Variants in DYM observed in about 807,000 individuals in gnomAD.
DYM encodes dyggve-Melchior-Clausen syndrome protein.
In DYM, 78 loss-of-function variants were observed where a neutral mutation model predicts 93.1. That is an observed-to-expected ratio of 0.84 (90% CI 0.70 to 1.01). The LOEUF (loss-of-function observed/expected upper bound fraction) is 1.01, where lower values mean the gene tolerates loss of function less well. DYM is among the 50% of genes least tolerant of loss of function. DYM has a pLI of 0.00. For missense variants in DYM, 789 were observed against 845.0 expected (o/e 0.93, Z 0.82); for synonymous variants, 321 against 319.7 (o/e 1.00, Z -0.04).
chr18:49,077,270 C>G (rs1422096588), intron 17 of DYM, among the ~76,000 whole-genome samples: 1 of 152,210 alleles, frequency 6.6e-6, no homozygotes, highest in Non-Finnish European at 1.5e-5. Flanking sequence ...ATTTTCTGTG[C>G]TGTCCCCCTG....
intron 2 of DYM, among the ~76,000 whole-genome samples, chr18:49,416,489 G>C (rs2073002669): frequency 6.6e-6 from 1 of 152,176 alleles, no homozygotes; most frequent in Admixed American, 6.5e-5. Flanking sequence ...GCTCAGAGCT[G>C]CTCTCAAATC....
chr18:49,319,099 C>T (rs898825734), intron 8 of DYM, among the ~76,000 whole-genome samples: 4 of 152,098 alleles, frequency 2.6e-5, no homozygotes, highest in African/African-American at 7.2e-5. Context: ...GCCACGCAAC[C>T]GGCCATAAAT....
At chr18:49,102,685 G>C (rs1339004361) in intron 16 of DYM, among the ~76,000 whole-genome samples, 1 of 152,054 alleles carries the variant, frequency 6.6e-6, no homozygotes, top group Non-Finnish European at 1.5e-5. Flanking sequence ...TTGTCCTTGC[G>C]ATAGTTTGCT....
At chr18:49,138,724 G>C (rs573371447) in intron 15 of DYM, among the ~76,000 whole-genome samples, 1 of 152,302 alleles carries the variant, frequency 6.6e-6, no homozygotes, top group East Asian at 1.9e-4. Context: ...GGAATTTAGA[G>C]TCCAGTAGGG....
At chr18:49,222,902 A>G (rs1021931189) in intron 13 of DYM, among the ~76,000 whole-genome samples, 17 of 152,184 alleles carry the variant, frequency 1.1e-4, no homozygotes, top group Non-Finnish European at 4.4e-5. Flanking sequence ...TGAAAGTCAC[A>G]TGAAAGAATG....
In DYM at chr18:49,097,496, G is replaced by C. The variant is rs2079655521; in HGVS notation, c.1931C>G (p.Ser644Ter). 3 of 1,613,834 alleles carry C rather than the reference G, an allele frequency of 1.9e-6. No homozygotes were observed. The highest frequency in any genetic ancestry group is 2.5e-6 in the Non-Finnish European group (3 of 1,179,908). The change falls in exon 17 of 18, where the codon TCA (serine) becomes TGA (stop). Residue 644 changes from serine (S) to a stop codon, truncating the protein, a stop_gained. Transcript: ENST00000675505. LOFTEE classifies it high-confidence loss of function. ...NIDLVISFFS[S>*]RLLQAGAELS... ...CTCAGCTCCAGCTTGCAGCAACCTT[G>C]AGCTAAAGAAGGAGATCACCTGTAA...
chr18:49,429,350 T>G (rs1283630424), intron 2 of DYM, among the ~76,000 whole-genome samples: 1 of 152,226 alleles, frequency 6.6e-6, no homozygotes, highest in Non-Finnish European at 1.5e-5. Flanking sequence ...GACAAGGACA[T>G]GGACATCTTT....
At chr18:49,168,231 A>C (rs535938105) in intron 14 of DYM, among the ~76,000 whole-genome samples, 6,570 of 152,180 alleles carry the variant, frequency 0.043, 470 homozygotes, top group African/African-American at 0.15. Flanking sequence ...CTCTCTATAT[A>C]TATATATATG....
chr18:49,269,081 T>C (rs2094624195), intron 11 of DYM, among the ~76,000 whole-genome samples: 1 of 152,160 alleles, frequency 6.6e-6, no homozygotes, highest in Non-Finnish European at 1.5e-5. Context: ...ATCTAAAATA[T>C]ATAAAGAACT....
intron 14 of DYM, among the ~76,000 whole-genome samples, chr18:49,181,033 G>A (rs531463594): frequency 1.8e-4 from 27 of 152,100 alleles, no homozygotes; most frequent in Non-Finnish European, 3.8e-4. Flanking sequence ...ACCAAACACA[G>A]CACCTCTCTA....
chr18:49,419,161 G>C (rs1254320204), intron 2 of DYM, among the ~76,000 whole-genome samples: 1 of 152,050 alleles, frequency 6.6e-6, no homozygotes, highest in African/African-American at 2.4e-5. Flanking sequence ...AGGAGTTCAA[G>C]ACCAGCCTGG....
chr18:49,433,255 G>A (rs574144746), intron 1 of DYM, among the ~76,000 whole-genome samples: 3 of 152,290 alleles, frequency 2.0e-5, no homozygotes, highest in Non-Finnish European at 2.9e-5. Context: ...AGGAGAATTT[G>A]GAAGCAATGA....
chr18:49,230,034 A>G (rs2093649650), intron 13 of DYM, among the ~76,000 whole-genome samples: 1 of 152,132 alleles, frequency 6.6e-6, no homozygotes, highest in African/African-American at 2.4e-5. Flanking sequence ...AAACTAAATA[A>G]CAGAAGGGGG....
intron 15 of DYM, 56 bp from the exon 16 acceptor site, chr18:49,118,982 A>G (rs1178592786): frequency 1.4e-6 from 2 of 1,453,566 alleles, no homozygotes; most frequent in Non-Finnish European, 1.9e-6. Flanking sequence ...TTGCAACAGA[A>G]TTAATGAAAA....
At chr18:49,342,319 C>T (rs543559714) in intron 6 of DYM, among the ~76,000 whole-genome samples, 3 of 152,270 alleles carry the variant, frequency 2.0e-5, no homozygotes, top group African/African-American at 4.8e-5. Flanking sequence ...TTTAAGGACT[C>T]ATGTGATTAG....
intron 13 of DYM, among the ~76,000 whole-genome samples, chr18:49,239,165 G>A (rs1337432554): frequency 6.6e-6 from 1 of 152,088 alleles, no homozygotes; most frequent in Non-Finnish European, 1.5e-5. Flanking sequence ...ACTAGATAGT[G>A]GACATTTCCT....
At chr18:49,326,823 G>A (rs759214654) in intron 8 of DYM, among the ~76,000 whole-genome samples, 2 of 152,080 alleles carry the variant, frequency 1.3e-5, no homozygotes, top group East Asian at 3.8e-4. Context: ...TTTTATTGAC[G>A]TAGAAGCAAA....
At chr18:49,308,842 G>A (rs1377053827) in intron 8 of DYM, among the ~76,000 whole-genome samples, 1 of 152,088 alleles carries the variant, frequency 6.6e-6, no homozygotes, top group Non-Finnish European at 1.5e-5. Context: ...AGGTTCTACT[G>A]CAGTGTAATG....
At chr18:49,313,588 A>G (rs1182141598) in intron 8 of DYM, among the ~76,000 whole-genome samples, 1 of 151,584 alleles carries the variant, frequency 6.6e-6, no homozygotes, top group Non-Finnish European at 1.5e-5. Flanking sequence ...CTTGTTTAGC[A>G]TATCATCAAG....
Sources: allele counts gnomAD v4.1 joint callset (sites outside exome capture counted in the v4.1 genomes callset), GRCh38; gene constraint gnomAD v4.1.1; transcripts MANE v1.5; gene names NCBI Gene and HGNC (gene_info 2026-07-23, HGNC 2026-07-21).